The following CHLSN variants were observed in gnomAD, a reference collection of about 807,000 sequenced individuals.
CHLSN encodes cholesin, also known as protein cholesin.
the CHLSN span, among the ~76,000 whole-genome samples, chr7:1,024,092 G>A: frequency 6.6e-6 from 1 of 152,196 alleles, no homozygotes. Context: ...CTCCCAAAGT[G>A]CTGGGATTAT....
chr7:1,034,877 T>C, the CHLSN span, among the ~76,000 whole-genome samples: 1 of 151,988 alleles, frequency 6.6e-6, no homozygotes, highest in East Asian at 1.9e-4. Flanking sequence ...AGCTCCCACT[T>C]ATAGTGAGAA....
the CHLSN span, among the ~76,000 whole-genome samples, chr7:1,053,507 G>T: frequency 3.6e-4 from 55 of 152,312 alleles, no homozygotes; most frequent in South Asian, 0.011. Flanking sequence ...TGGTTCTGTG[G>T]GTGCCCCCTG....
chr7:1,077,003 G>A, the CHLSN span, among the ~76,000 whole-genome samples: 3 of 152,248 alleles, frequency 2.0e-5, no homozygotes, highest in African/African-American at 4.8e-5. Flanking sequence ...CTGCTGTTGC[G>A]GGCAGAGGGC....
At chr7:1,019,657 C>CCG in the CHLSN span, among the ~76,000 whole-genome samples, 1 of 152,240 alleles carries the variant, frequency 6.6e-6, no homozygotes, top group Non-Finnish European at 1.5e-5. Flanking sequence ...GCTCCAGTGG[C>CCG]CGCCAAGAAC....
chr7:1,073,367 G>A, the CHLSN span, among the ~76,000 whole-genome samples: 1 of 152,118 alleles, frequency 6.6e-6, no homozygotes, highest in Non-Finnish European at 1.5e-5. Flanking sequence ...GTGGCCGGCA[G>A]CTACTCCCCG....
chr7:1,031,934 C>T, the CHLSN span, among the ~76,000 whole-genome samples: 1 of 152,062 alleles, frequency 6.6e-6, no homozygotes, highest in Non-Finnish European at 1.5e-5. Flanking sequence ...GGGGTGGCTG[C>T]GAGGACGTGC....
At chr7:1,118,139 G>A in the CHLSN span, among the ~76,000 whole-genome samples, 76 of 152,296 alleles carry the variant, frequency 5.0e-4, 1 homozygote, top group African/African-American at 1.8e-3. Context: ...AAAACACCAG[G>A]CTTCTGGGTT....
At chr7:991,818 C>G in the CHLSN span, among the ~76,000 whole-genome samples, 2 of 152,240 alleles carry the variant, frequency 1.3e-5, no homozygotes, top group African/African-American at 4.8e-5. Context: ...CTCATCTTCC[C>G]GGGCTGAAGC....
At chr7:1,008,705 G>C in the CHLSN span, among the ~76,000 whole-genome samples, 1 of 152,152 alleles carries the variant, frequency 6.6e-6, no homozygotes, top group African/African-American at 2.4e-5. Flanking sequence ...CCTGTAGGTG[G>C]AGGACCGTCC....
the CHLSN span, among the ~76,000 whole-genome samples, chr7:1,033,565 A>G: frequency 6.6e-6 from 1 of 152,172 alleles, no homozygotes; most frequent in African/African-American, 2.4e-5. Flanking sequence ...GTCTCAAAAA[A>G]AAAAAAAATA....
chr7:983,049 C>A, the CHLSN span: 2 of 576,912 alleles, frequency 3.5e-6, no homozygotes, highest in Non-Finnish European at 5.4e-6. Context: ...CGCAGGCCTG[C>A]AGCTTTAAGC....
chr7:999,114 G>T, the CHLSN span, among the ~76,000 whole-genome samples: 16 of 152,162 alleles, frequency 1.1e-4, no homozygotes, highest in Non-Finnish European at 2.4e-4. Context: ...CATATAAATG[G>T]CTAACCAAGG....
the CHLSN span, among the ~76,000 whole-genome samples, chr7:1,124,146 C>T: frequency 2.0e-5 from 3 of 152,156 alleles, no homozygotes; most frequent in Admixed American, 6.5e-5. Context: ...TTAATCAACA[C>T]GTATTTTAAT....
At chr7:1,080,418 G>A in the CHLSN span, among the ~76,000 whole-genome samples, 3 of 152,316 alleles carry the variant, frequency 2.0e-5, no homozygotes, top group Non-Finnish European at 2.9e-5. Flanking sequence ...CAGGAGGCAC[G>A]GGGACAGCCA....
At chr7:1,006,574 G>A in the CHLSN span, among the ~76,000 whole-genome samples, 18 of 150,010 alleles carry the variant, frequency 1.2e-4, no homozygotes, top group Admixed American at 9.3e-4. Flanking sequence ...GCGCACGACG[G>A]CCACAGCGCA....
the CHLSN span, among the ~76,000 whole-genome samples, chr7:1,120,767 C>A: frequency 1.3e-5 from 2 of 152,252 alleles, no homozygotes; most frequent in African/African-American, 4.8e-5. Flanking sequence ...AATCTGTGAT[C>A]ATTCCGCACC....
the CHLSN span, among the ~76,000 whole-genome samples, chr7:999,706 G>A: frequency 2.6e-5 from 4 of 152,238 alleles, no homozygotes; most frequent in Non-Finnish European, 1.5e-5. Flanking sequence ...GGCACGGCAG[G>A]AGAAAACCGC....
the CHLSN span, among the ~76,000 whole-genome samples, chr7:1,123,306 G>A: frequency 1.3e-5 from 2 of 152,248 alleles, no homozygotes; most frequent in East Asian, 1.9e-4. This position sits in a 1 kb window ranked among gnomAD's most constrained non-coding sequence, Gnocchi z 4.4. Context: ...CGCAAGCTCA[G>A]AGTGCTCATG....
At chr7:1,054,306 C>G in the CHLSN span, among the ~76,000 whole-genome samples, 89 of 152,342 alleles carry the variant, frequency 5.8e-4, no homozygotes, top group South Asian at 0.012. Context: ...AGAAACCATC[C>G]TCATCATTGA....
Sources: allele counts gnomAD v4.1 joint callset (sites outside exome capture counted in the v4.1 genomes callset), GRCh38; gene constraint gnomAD v4.1.1; non-coding constraint Gnocchi (gnomAD v3.1); transcripts MANE v1.5; gene names NCBI Gene and HGNC (gene_info 2026-07-23, HGNC 2026-07-21).